Variants in ZNRF3 observed in about 807,000 individuals in gnomAD.
The protein encoded by ZNRF3 is zinc and ring finger 3.
A neutral mutation model predicts 72.5 loss-of-function variants in ZNRF3; 23 were observed. That is an observed-to-expected ratio of 0.32 (90% CI 0.23 to 0.45). ZNRF3 has a LOEUF of 0.45. Among genes scored for constraint, ZNRF3 ranks in the 20% least tolerant of loss-of-function variants. ZNRF3 has a pLI of 1.00. For synonymous variants in ZNRF3, 610 were observed against 545.3 expected (o/e 1.12, Z -1.65); for missense variants, 1,169 against 1,272.1 (o/e 0.92, Z 1.23).
At chr22:28,903,449 C>G (rs2034147083) in intron 1 of ZNRF3, among the ~76,000 whole-genome samples, 1 of 152,216 alleles carries the variant, frequency 6.6e-6, no homozygotes, top group African/African-American at 2.4e-5. Context: ...GACTTCAGCG[C>G]TTGGTTTGAT....
intron 2 of ZNRF3, among the ~76,000 whole-genome samples, chr22:28,991,970 T>C (rs2123832798): frequency 6.6e-6 from 1 of 151,118 alleles, no homozygotes; most frequent in South Asian, 2.1e-4. Context: ...TAGTGAGACC[T>C]CCTGTCCACA....
intron 5 of ZNRF3, among the ~76,000 whole-genome samples, chr22:29,046,451 A>G (rs1175998297): frequency 1.3e-5 from 2 of 152,138 alleles, no homozygotes; most frequent in Admixed American, 6.5e-5. Flanking sequence ...AGGTCCAAGT[A>G]ATTGGAGGAG....
At chr22:28,984,901 A>C (rs2035827493) in intron 1 of ZNRF3, among the ~76,000 whole-genome samples, 1 of 152,158 alleles carries the variant, frequency 6.6e-6, no homozygotes. Context: ...AAATTCCATG[A>C]GCCTGAAAGT....
At chr22:29,019,281 A>T (rs558892831) in intron 2 of ZNRF3, among the ~76,000 whole-genome samples, 29 of 152,284 alleles carry the variant, frequency 1.9e-4, no homozygotes, top group African/African-American at 7.0e-4. Flanking sequence ...TGATGGGAGG[A>T]ATCATAAAAT....
chr22:28,968,467 T>G (rs1308724575), intron 1 of ZNRF3, among the ~76,000 whole-genome samples: 2 of 152,166 alleles, frequency 1.3e-5, no homozygotes, highest in Admixed American at 1.3e-4. Flanking sequence ...CCCAGCACTT[T>G]GGGAGGCTGA....
At chr22:28,972,117 A>G (rs150055718) in intron 1 of ZNRF3, among the ~76,000 whole-genome samples, 1,701 of 152,324 alleles carry the variant, frequency 0.011, 40 homozygotes, top group African/African-American at 0.039. Flanking sequence ...AGCTTTATTG[A>G]GATATAATTC....
intron 1 of ZNRF3, among the ~76,000 whole-genome samples, chr22:28,927,529 A>G (rs887043132): frequency 6.6e-6 from 1 of 152,230 alleles, no homozygotes; most frequent in African/African-American, 2.4e-5. Flanking sequence ...GCTTTATATG[A>G]ACTATTTTCT....
Position 29,050,437 on chromosome 22 carries a change from A to G in ZNRF3, c.2256A>G (p.Ser752=), listed in dbSNP as rs749555612. Residue 752 remains serine, a synonymous_variant, in exon 8 of 9, where the codon TCA becomes TCG. Transcript: ENST00000544604. ...GSGPAGGEPQ[S]GSSQGLYGLH... ...GCCCGGCGGGTGGGGAGCCCCAGTCAGGAAGCTCCCAGGGCTTGTACGGCC... is the reference window on the plus strand; with the variant it reads ...GCCCGGCGGGTGGGGAGCCCCAGTCGGGAAGCTCCCAGGGCTTGTACGGCC... 8 of 1,609,450 alleles carry G rather than the reference A, an allele frequency of 5.0e-6. No individual in the cohort carries two copies. The highest frequency in any genetic ancestry group is 3.3e-4 in the Middle Eastern group (2 of 6,072).
chr22:28,884,060 C>T lies in ZNRF3; in HGVS notation c.294C>T (p.Ile98=). The T allele has an allele frequency of 1.6e-6, 2 of 1,214,894 alleles. No homozygotes were observed. Among genetic ancestry groups the T allele is most frequent in the Non-Finnish European group, 2.1e-6 (2 of 954,884 alleles). The allele number at this position is 1,214,894 out of a possible 1,614,324, so 75.3% of individuals were successfully genotyped here. The change falls in exon 1 of 9, where the codon ATC becomes ATT. Residue 98 remains isoleucine (I), a synonymous_variant. Transcript: ENST00000544604. The stretch of plus-strand genomic sequence containing the variant: ...CCACGCTCAGCGCCGAGGGCGAGAT[C>T]GTGCAGGTAGCTGCCCGCCGCCCGG... The part of the protein sequence containing the change: ...AGATLSAEGE[I]VQMHPLGLCN...
rs547029205 is a variant in ZNRF3 at position 28,926,368 on chromosome 22, T to TG, written c.300+42309dup. Among the ~76,000 whole-genome samples the TG allele has an allele frequency of 4.9e-4, 74 of 152,114 alleles. No individual in the cohort carries two copies. The South Asian group carries it at 6.6e-3, about 14-fold the overall frequency. ...TGATTGATTGATTTTTTTAAAGAGA[T>TG]GGGGGGGTCTCTCTATGTTACCTAG... On this transcript the variant is annotated intron_variant, in intron 1 of 8. Coordinates refer to ENST00000544604, the MANE Select transcript of ZNRF3 (RefSeq NM_001206998.2).
At chr22:29,021,535 T>C (rs1175465981) in intron 2 of ZNRF3, among the ~76,000 whole-genome samples, 1 of 151,650 alleles carries the variant, frequency 6.6e-6, no homozygotes, top group Non-Finnish European at 1.5e-5. Context: ...TCCCCCAGGC[T>C]GGAGTGCAGT....
At chr22:28,929,455 A>C (rs1433530087) in intron 1 of ZNRF3, among the ~76,000 whole-genome samples, 3 of 152,178 alleles carry the variant, frequency 2.0e-5, no homozygotes, top group Non-Finnish European at 4.4e-5. Context: ...TGACAACTAG[A>C]AATGTCTCCA....
intron 2 of ZNRF3, among the ~76,000 whole-genome samples, chr22:29,000,892 G>A (rs1040505781): frequency 1.2e-4 from 19 of 152,048 alleles, no homozygotes; most frequent in African/African-American, 4.6e-4. Flanking sequence ...GGGATCAGGC[G>A]ATCCTCCCAC....
chr22:28,937,192 TATATATATATATATATATATATA>T (rs1569252489), intron 1 of ZNRF3, among the ~76,000 whole-genome samples: 22 of 3,026 alleles, frequency 7.3e-3, no homozygotes, highest in African/African-American at 0.011. Context: ...TATATATATA[TATATATATATATATATATATATA>T]TTTTTTTTTT....
intron 1 of ZNRF3, among the ~76,000 whole-genome samples, chr22:28,937,215 A>ATTTTTTTTT (rs370829828): frequency 6.8e-4 from 6 of 8,854 alleles, no homozygotes; most frequent in African/African-American, 1.6e-3. Context: ...ATATATATAT[A>ATTTTTTTTT]TTTTTTTTTT....
intron 8 of ZNRF3, among the ~76,000 whole-genome samples, chr22:29,052,778 A>T (rs2037230740): frequency 6.6e-6 from 1 of 152,060 alleles, no homozygotes; most frequent in Non-Finnish European, 1.5e-5. Context: ...GCTGGAGACC[A>T]GCCTGGGGAA....
chr22:28,972,717 G>T (rs142553811), intron 1 of ZNRF3, among the ~76,000 whole-genome samples: 1 of 152,156 alleles, frequency 6.6e-6, no homozygotes, highest in Non-Finnish European at 1.5e-5. Context: ...TCCATTCTGC[G>T]TTGCCATCAG....
rs61155224 is a variant in ZNRF3, at chr22:28,956,353, CTTTTTTT to C, written c.301-30705_301-30699del. 8.4e-3 allele frequency among the ~76,000 whole-genome samples: 933 copies of C among 110,440 alleles called. 8 individuals carry two copies. Among genetic ancestry groups the C allele is most frequent in the East Asian group, 0.058 (230 of 3,962 alleles). The allele number at this position is 110,440 out of a possible 152,430, so 72.5% of individuals were successfully genotyped here. A position where few individuals can be genotyped will look rare whatever the true frequency, so the allele number is the denominator to read the frequency against. On this transcript the variant is annotated intron_variant, in intron 1 of 8. Transcript: ENST00000544604. ...TCCGAATGGCCTTTGTTTCCATTTCCTTTTTTTTTTTTTTTTTTTTTTTTAAAGCTGC... is the reference window on the plus strand; with the variant it reads ...TCCGAATGGCCTTTGTTTCCATTTCCTTTTTTTTTTTTTTTTTAAAGCTGC...
Position 29,050,083 on chromosome 22 carries a change from G to T in ZNRF3, c.1902G>T (p.Pro634=), listed in dbSNP as rs575108719. ...GCTCCCCGCCTCCCGAGGAGCTCCC[G>T]GCGGTGCACAGTCATGGTGCTGGGC... The part of the protein sequence containing the change: ...FEGSPPPEEL[P]AVHSHGAGRG... Residue 634 remains proline, a synonymous_variant, in exon 8 of 9, where the codon CCG becomes CCT. Coordinates refer to ENST00000544604, the MANE Select transcript of ZNRF3 (RefSeq NM_001206998.2). 1.2e-6 allele frequency: 2 copies of T among 1,607,954 alleles called. No individual in the cohort carries two copies. Among genetic ancestry groups the T allele is most frequent in the South Asian group, 1.1e-5 (1 of 90,878 alleles).
Sources: allele counts gnomAD v4.1 joint callset (sites outside exome capture counted in the v4.1 genomes callset), GRCh38; gene constraint gnomAD v4.1.1; transcripts MANE v1.5; gene names NCBI Gene and HGNC (gene_info 2026-07-23, HGNC 2026-07-21).